The following CDH13 variants were observed in gnomAD, a reference collection of about 807,000 sequenced individuals.
CDH13 encodes the protein cadherin-13.
In CDH13, 24 loss-of-function variants were observed where a neutral mutation model predicts 63.8. The observed-to-expected ratio is 0.38, with a 90% CI of 0.27 to 0.53. The LOEUF (loss-of-function observed/expected upper bound fraction) is 0.53, where lower values mean the gene tolerates loss of function less well. Ranked by LOEUF, CDH13 falls within the 20% of genes least tolerant of loss-of-function variation. The pLI, the probability that CDH13 is intolerant of heterozygous loss-of-function variation, is 0.85. For missense variants in CDH13, 1,049 were observed against 903.1 expected, an observed-to-expected ratio of 1.16 and a Z score of -2.07; for synonymous variants, 503 against 355.3, an observed-to-expected ratio of 1.42 and a Z score of -4.67.
chr16:82,963,070 G>T (rs950647603), intron 2 of CDH13, among the ~76,000 whole-genome samples: 42 of 152,150 alleles, frequency 2.8e-4, no homozygotes, highest in African/African-American at 9.6e-4. Context: ...TAACCAACAT[G>T]TATGGTGTTA....
chr16:83,666,476 A>G (rs1363701044), intron 8 of CDH13, among the ~76,000 whole-genome samples: 1 of 152,230 alleles, frequency 6.6e-6, no homozygotes, highest in Non-Finnish European at 1.5e-5. Context: ...AGTAGATTTA[A>G]ACGTAACCCA....
intron 5 of CDH13, among the ~76,000 whole-genome samples, chr16:83,338,457 C>T (rs530706795): frequency 6.6e-6 from 1 of 152,192 alleles, no homozygotes; most frequent in South Asian, 2.1e-4. Flanking sequence ...CTGTTTGGCA[C>T]CAGGCATTGG....
In CDH13 at chr16:82,675,090, A is replaced by G. The variant is rs761665567; in HGVS notation, c.45+47953A>G. Reference sequence around the variant, plus strand: ...CATTTTTGGCATAGTTAGGGAATGGATATCATTTTAGCTGTCTTAATAATT... The same window carrying G: ...CATTTTTGGCATAGTTAGGGAATGGGTATCATTTTAGCTGTCTTAATAATT... On this transcript the variant is annotated intron_variant, in intron 1 of 13. Transcript: ENST00000567109. Among the ~76,000 whole-genome samples the G allele has an allele frequency of 1.3e-4, 20 of 148,520 alleles. 1 individual carries two copies. The Middle Eastern group carries it at 0.01, about 78-fold the overall frequency.
chr16:83,779,004 T>C (rs1474964657), intron 11 of CDH13, among the ~76,000 whole-genome samples: 1 of 152,238 alleles, frequency 6.6e-6, no homozygotes, highest in Non-Finnish European at 1.5e-5. Flanking sequence ...GGAAAAGTCA[T>C]ATTTATCTCC....
intron 5 of CDH13, among the ~76,000 whole-genome samples, chr16:83,268,603 C>T (rs1339510668): frequency 6.6e-6 from 1 of 152,112 alleles, no homozygotes; most frequent in Non-Finnish European, 1.5e-5. Flanking sequence ...GTTTTTTTGA[C>T]AGCACAAGTG....
At chr16:82,713,360 T>C (rs751406188) in intron 1 of CDH13, among the ~76,000 whole-genome samples, 1 of 152,082 alleles carries the variant, frequency 6.6e-6, no homozygotes, top group African/African-American at 2.4e-5. Context: ...CAAGCCTGAT[T>C]TGAAGTACCT....
chr16:83,717,767 G>A (rs1909142123), intron 10 of CDH13: 1 of 152,246 alleles, frequency 6.6e-6, no homozygotes, highest in Admixed American at 6.5e-5. Flanking sequence ...TGCAAAGCTT[G>A]TTATTTCTCT....
Position 82,860,392 on chromosome 16 carries a change from G to T in CDH13, c.157+1919G>T, listed in dbSNP as rs866958082. ...TCACAGTTGTGTGTGTGTGTGTGGG[G>T]GGGGGGGCGGCGGTGTGCGTGTGTG... On this transcript the variant is annotated intron_variant, in intron 2 of 13. Transcript: ENST00000567109. 2.9e-3 allele frequency among the ~76,000 whole-genome samples: 380 copies of T among 132,326 alleles called. 21 individuals are homozygous for T. In the South Asian group the frequency reaches 0.039, roughly 14 times the overall value. The allele number at this position is 132,326 out of a possible 152,430, so 86.8% of individuals were successfully genotyped here.
chr16:83,212,565 C>G lies in CDH13; in HGVS notation c.484-4780C>G, dbSNP rs1307816124. ...TAGAAACAGGTTTTTAAAAGACTTC[C>G]TGTTAGTGTTATATGTTTAAAATAG... On this transcript the variant is annotated intron_variant, in intron 4 of 13. Coordinates refer to ENST00000567109, the MANE Select transcript of CDH13 (RefSeq NM_001257.5). Among the ~76,000 whole-genome samples, 3 of 152,246 alleles carry G rather than the reference C, an allele frequency of 2.0e-5. No individual in the cohort carries two copies. In the East Asian group the frequency reaches 5.8e-4, roughly 29 times the overall value.
At chr16:83,320,321 C>T (rs2090194802) in intron 5 of CDH13, among the ~76,000 whole-genome samples, 2 of 151,982 alleles carry the variant, frequency 1.3e-5, no homozygotes, top group South Asian at 2.1e-4. Context: ...GCTGGGATTA[C>T]AGATGTGAGT....
intron 1 of CDH13, among the ~76,000 whole-genome samples, chr16:82,683,381 G>A (rs1914749878): frequency 6.6e-6 from 1 of 152,162 alleles, no homozygotes; most frequent in Non-Finnish European, 1.5e-5. Context: ...GACTTGCTGA[G>A]CTCACTCTTG....
At chr16:83,337,022 G>A (rs745653020) in intron 5 of CDH13, among the ~76,000 whole-genome samples, 1 of 152,178 alleles carries the variant, frequency 6.6e-6, no homozygotes, top group Non-Finnish European at 1.5e-5. Context: ...CTCAAATGAA[G>A]GGCAAGCTGT....
At chr16:83,672,065 C>T (rs1359110838) in intron 9 of CDH13, among the ~76,000 whole-genome samples, 2 of 152,180 alleles carry the variant, frequency 1.3e-5, no homozygotes, top group African/African-American at 4.8e-5. Context: ...GTGATAGTAC[C>T]AGTGGGCAGA....
chr16:83,310,659 T>G (rs1450201296), intron 5 of CDH13, among the ~76,000 whole-genome samples: 1 of 152,174 alleles, frequency 6.6e-6, no homozygotes, highest in African/African-American at 2.4e-5. Flanking sequence ...TGCCTCTACT[T>G]CATTCCATCA....
intron 4 of CDH13, among the ~76,000 whole-genome samples, chr16:83,156,575 G>A (rs1269131970): frequency 6.6e-6 from 1 of 152,112 alleles, no homozygotes; most frequent in East Asian, 1.9e-4. Context: ...TTGCACAAAG[G>A]TTTATGTTTT....
At chr16:83,784,212 C>T (rs999471463) in intron 13 of CDH13, among the ~76,000 whole-genome samples, 1 of 152,108 alleles carries the variant, frequency 6.6e-6, no homozygotes, top group African/African-American at 2.4e-5. Flanking sequence ...GGGAAATTGA[C>T]AGAAAAAGAA....
chr16:83,443,649 C>G (rs2072551001), intron 6 of CDH13, among the ~76,000 whole-genome samples: 1 of 146,782 alleles, frequency 6.8e-6, no homozygotes, highest in African/African-American at 2.6e-5. Flanking sequence ...GGCAGGAGGA[C>G]CACTTGAGCC....
At chr16:82,632,114 AC>A (rs1180390065) in intron 1 of CDH13, among the ~76,000 whole-genome samples, 1 of 152,168 alleles carries the variant, frequency 6.6e-6, no homozygotes, top group Non-Finnish European at 1.5e-5. Context: ...GCCGTACTTG[AC>A]AGGGCTGAGT....
At position 83,374,765 on chromosome 16, in the gene CDH13, C is replaced by G. The variant is rs968442454; in HGVS notation, c.781+29759C>G. 3.9e-5 allele frequency among the ~76,000 whole-genome samples: 6 copies of G among 152,152 alleles called. No individual in the cohort carries two copies. The East Asian group carries it at 1.2e-3, about 29-fold the overall frequency. The stretch of plus-strand genomic sequence containing the variant: ...GAGAGTGTGAAAGAATGACAGGTAC[C>G]TCATTAAAGATGCATAATATCTAGT... On this transcript the variant is annotated intron_variant, in intron 6 of 13. Coordinates refer to ENST00000567109, the MANE Select transcript of CDH13 (RefSeq NM_001257.5).
Sources: allele counts gnomAD v4.1 joint callset (sites outside exome capture counted in the v4.1 genomes callset), GRCh38; gene constraint gnomAD v4.1.1; transcripts MANE v1.5; gene names NCBI Gene and HGNC (gene_info 2026-07-23, HGNC 2026-07-21).